EXOC4: variants seen among roughly 807,000 people sequenced by gnomAD.
EXOC4 encodes the protein SEC8-like 1.
EXOC4 carries 71 observed loss-of-function variants against 107.2 expected under a neutral mutation model. The ratio of observed to expected loss-of-function variants is 0.66; its 90% confidence interval spans 0.55 to 0.81. EXOC4 has a LOEUF of 0.81. EXOC4 is among the 30% of genes least tolerant of loss of function. The probability of loss-of-function intolerance (pLI) is 0.00; values close to 1 mark genes in which losing one functional copy is unlikely to be tolerated. For synonymous variants in EXOC4, 456 were observed against 441.2 expected (o/e 1.03, Z -0.42); for missense variants, 1,108 against 1,189.6 (o/e 0.93, Z 1.01).
chr7:134,031,292 G>A (rs1429141989), intron 17 of EXOC4, among the ~76,000 whole-genome samples: 4 of 152,202 alleles, frequency 2.6e-5, no homozygotes, highest in Non-Finnish European at 5.9e-5. Flanking sequence ...CAATAAAGCT[G>A]TTTTTTGAAG....
In EXOC4 at chr7:133,753,209, A is replaced by T. The variant is rs573900405; in HGVS notation, c.1515-64116A>T. Among the ~76,000 whole-genome samples the T allele has an allele frequency of 2.2e-4, 34 of 152,314 alleles. No homozygotes were observed. The South Asian group carries it at 7.0e-3, about 32-fold the overall frequency. On this transcript the variant is annotated intron_variant, in intron 10 of 17. Coordinates refer to ENST00000253861, the MANE Select transcript of EXOC4 (RefSeq NM_021807.4). ...TGTATAAATATAGAAAACTTGATCCATTAGGAATAGGAATGGGAAGAAGCT... is the reference window on the plus strand; with the variant it reads ...TGTATAAATATAGAAAACTTGATCCTTTAGGAATAGGAATGGGAAGAAGCT...
chr7:134,064,467 TC>T lies in EXOC4; in HGVS notation c.2865del (p.Ile956SerfsTer16). Reference sequence around the variant, plus strand: ...ACGAGGCTGCAGAGGCTCAAAGAGATCATCTGCGAGCAGGCTGCCATCAAGC... The same window carrying T: ...ACGAGGCTGCAGAGGCTCAAAGAGATATCTGCGAGCAGGCTGCCATCAAGC... Reference protein sequence around the residue: ...QNTRLQRLKEIICEQAAIKQA... With the variant: ...QNTRLQRLKEXICEQAAIKQA... On this transcript the variant is annotated frameshift_variant, in exon 18 of 18. Transcript: ENST00000253861. LOFTEE classifies it high-confidence loss of function. The T allele has an allele frequency of 1.9e-6, 3 of 1,606,500 alleles. No individual in the cohort carries two copies. Among genetic ancestry groups the T allele is most frequent in the Non-Finnish European group, 2.6e-6 (3 of 1,176,122 alleles).
chr7:133,254,117 G>T (rs1270837582), intron 1 of EXOC4: 1 of 152,018 alleles, frequency 6.6e-6, no homozygotes, highest in Non-Finnish European at 1.5e-5. Flanking sequence ...GGAATGTATT[G>T]ATCATCTTTT....
chr7:133,721,854 A>C (rs759260088), intron 10 of EXOC4, among the ~76,000 whole-genome samples: 1 of 152,174 alleles, frequency 6.6e-6, no homozygotes, highest in African/African-American at 2.4e-5. Flanking sequence ...TCTGGCTACT[A>C]TTTTTGTGGG....
chr7:133,629,733 G>A (rs1413305000), intron 9 of EXOC4, among the ~76,000 whole-genome samples: 1 of 151,514 alleles, frequency 6.6e-6, no homozygotes, highest in Non-Finnish European at 1.5e-5. Context: ...AATAGAGATG[G>A]GGTTTCACCA....
At chr7:133,452,252 C>T (rs1172881543) in intron 7 of EXOC4, among the ~76,000 whole-genome samples, 2 of 152,076 alleles carry the variant, frequency 1.3e-5, no homozygotes, top group East Asian at 3.9e-4. Flanking sequence ...TAGTAAATAT[C>T]TCATTTTCTG....
chr7:133,612,943 A>G (rs1331839530), intron 9 of EXOC4, among the ~76,000 whole-genome samples: 1 of 152,176 alleles, frequency 6.6e-6, no homozygotes, highest in Non-Finnish European at 1.5e-5. Context: ...TTGGATGTGT[A>G]GTTGGCCCAG....
intron 5 of EXOC4, among the ~76,000 whole-genome samples, chr7:133,325,496 C>A (rs921715511): frequency 6.6e-6 from 1 of 152,138 alleles, no homozygotes; most frequent in Admixed American, 6.5e-5. Flanking sequence ...ATATGAAATT[C>A]TGGGCTGAAA....
chr7:133,356,685 C>A, intron 6 of EXOC4, 112 bp downstream of exon 6: 1 of 1,296,954 alleles, frequency 7.7e-7, no homozygotes, highest in African/African-American at 1.5e-5. Context: ...ACTTAGGATA[C>A]TATAGCCCAT....
chr7:133,485,085 ATAAATAAAT>A (rs1407207253), intron 9 of EXOC4, among the ~76,000 whole-genome samples: 9 of 128,942 alleles, frequency 7.0e-5, no homozygotes, highest in South Asian at 2.3e-4. Flanking sequence ...GTCTCAAAAA[ATAAATAAAT>A]AAATAAATAA....
At chr7:133,778,093 T>G (rs574968642) in intron 10 of EXOC4, among the ~76,000 whole-genome samples, 1 of 152,298 alleles carries the variant, frequency 6.6e-6, no homozygotes, top group African/African-American at 2.4e-5. Context: ...CAAGAATATT[T>G]ACATTTTAAC....
At chr7:133,483,067 C>A (rs1799192098) in intron 9 of EXOC4, among the ~76,000 whole-genome samples, 1 of 152,190 alleles carries the variant, frequency 6.6e-6, no homozygotes, top group Non-Finnish European at 1.5e-5. Context: ...TGGAACAATG[C>A]TCTCTTGTTT....
At chr7:133,977,118 T>C (rs911108280) in intron 14 of EXOC4, among the ~76,000 whole-genome samples, 1 of 152,238 alleles carries the variant, frequency 6.6e-6, no homozygotes, top group Admixed American at 6.5e-5. Flanking sequence ...ATACATTCAG[T>C]CTTAAGCTGA....
chr7:133,342,830 T>C (rs1318467570), intron 5 of EXOC4, among the ~76,000 whole-genome samples: 1 of 152,186 alleles, frequency 6.6e-6, no homozygotes, highest in Non-Finnish European at 1.5e-5. Flanking sequence ...TTCCAGTGTA[T>C]TTTGCATATC....
chr7:134,061,322 G>C (rs1796050047), intron 17 of EXOC4, among the ~76,000 whole-genome samples: 1 of 152,310 alleles, frequency 6.6e-6, no homozygotes, highest in East Asian at 1.9e-4. Flanking sequence ...TCAGTGAAAA[G>C]CATCACAAAC....
At chr7:133,620,756 G>A (rs760268219) in intron 9 of EXOC4, among the ~76,000 whole-genome samples, 13 of 152,196 alleles carry the variant, frequency 8.5e-5, no homozygotes, top group Non-Finnish European at 1.8e-4. Context: ...CTCTGAGCTA[G>A]ATATACTCAA....
intron 9 of EXOC4, among the ~76,000 whole-genome samples, chr7:133,606,262 A>G (rs749982962): frequency 1.3e-5 from 2 of 152,000 alleles, no homozygotes; most frequent in Non-Finnish European, 2.9e-5. Context: ...CCTGTAAGCT[A>G]CCACAGAGAG....
rs539678801 is a variant in EXOC4, at chr7:133,766,452, T to C, written c.1515-50873T>C. The stretch of plus-strand genomic sequence containing the variant: ...GCTTCCTAAAATAATAATAGTGACA[T>C]TTCATTAGAATGGTAGTTGAAAAAT... On this transcript the variant is annotated intron_variant, in intron 10 of 17. Coordinates refer to ENST00000253861, the MANE Select transcript of EXOC4 (RefSeq NM_021807.4). 2.2e-4 allele frequency among the ~76,000 whole-genome samples: 33 copies of C among 152,120 alleles called. No individual in the cohort carries two copies. The South Asian group carries it at 6.8e-3, about 32-fold the overall frequency.
rs561708196 is a variant in EXOC4 at position 133,408,220 on chromosome 7, A to G, written c.1182+33218A>G. 1.2e-4 allele frequency among the ~76,000 whole-genome samples: 17 copies of G among 140,980 alleles called. No homozygotes were observed. The East Asian group carries it at 4.0e-3, about 33-fold the overall frequency. 92.5% of individuals were successfully genotyped at this position (140,980 alleles called of 152,430 possible). A position where few individuals can be genotyped will look rare whatever the true frequency, so the allele number is the denominator to read the frequency against. ...GGTGATGATGGAGGTATTGGTGGTG[A>G]TGATGGGTGGGGAGGGAATGATGTT... On this transcript the variant is annotated intron_variant, in intron 7 of 17. Transcript: ENST00000253861.
Sources: gnomAD v4.1 joint callset for allele counts (sites outside exome capture counted in the v4.1 genomes callset) on GRCh38, gnomAD v4.1.1 for gene constraint, MANE v1.5 for transcripts, NCBI Gene and HGNC (gene_info 2026-07-23, HGNC 2026-07-21) for gene names.